The following DISC1 variants were observed in gnomAD, a reference collection of about 807,000 sequenced individuals.
The protein encoded by DISC1 is DISC1 scaffold protein.
DISC1 carries 57 observed loss-of-function variants against 84.5 expected under a neutral mutation model. The observed-to-expected ratio is 0.67, with a 90% CI of 0.55 to 0.84. DISC1 has a LOEUF of 0.84. Ranked by LOEUF, DISC1 falls within the 40% of genes least tolerant of loss-of-function variation. The pLI is 0.00. For missense variants in DISC1, 1,000 were observed against 1,057.8 expected (o/e 0.95, Z 0.76); for synonymous variants, 411 against 415.2 (o/e 0.99, Z 0.12).
intron 3 of DISC1, among the ~76,000 whole-genome samples, chr1:231,731,549 T>C (rs986821084): frequency 1.3e-5 from 2 of 152,170 alleles, no homozygotes; most frequent in African/African-American, 4.8e-5. Flanking sequence ...CAGTCCTCAA[T>C]TAGGCCTGGT....
intron 3 of DISC1, among the ~76,000 whole-genome samples, chr1:231,709,583 G>A (rs1419719184): frequency 6.6e-6 from 1 of 152,036 alleles, no homozygotes; most frequent in African/African-American, 2.4e-5. Flanking sequence ...TAAGGATCAC[G>A]TGGAATGTTG....
intron 1 of DISC1, among the ~76,000 whole-genome samples, chr1:231,680,485 T>A (rs2063583677): frequency 6.6e-6 from 1 of 152,212 alleles, no homozygotes; most frequent in Admixed American, 6.5e-5. Context: ...ATAGGAGTCG[T>A]GTTATGCTGT....
intron 9 of DISC1, among the ~76,000 whole-genome samples, chr1:231,930,597 C>A (rs1452244804): frequency 6.6e-6 from 1 of 152,126 alleles, no homozygotes; most frequent in Non-Finnish European, 1.5e-5. Flanking sequence ...CAAACCTCTA[C>A]CCCATATGGC....
chr1:231,634,584 C>A (rs2059030592), intron 1 of DISC1, among the ~76,000 whole-genome samples: 1 of 152,176 alleles, frequency 6.6e-6, no homozygotes, highest in Admixed American at 6.5e-5. Context: ...ATTTGGGGGC[C>A]TTAAATTGCC....
intron 8 of DISC1, among the ~76,000 whole-genome samples, chr1:231,801,845 G>C (rs937405970): frequency 6.7e-6 from 1 of 149,252 alleles, no homozygotes; most frequent in Non-Finnish European, 1.5e-5. Context: ...TTGAGTCAGA[G>C]TCTCGTTCAG....
At chr1:231,923,786 A>T (rs1412184333) in intron 9 of DISC1, among the ~76,000 whole-genome samples, 2 of 152,142 alleles carry the variant, frequency 1.3e-5, no homozygotes, top group Admixed American at 6.5e-5. Context: ...GGCTTTCAAG[A>T]TCCTCCTGTG....
chr1:231,904,896 C>T (rs1415587079), intron 9 of DISC1, among the ~76,000 whole-genome samples: 1 of 151,984 alleles, frequency 6.6e-6, no homozygotes, highest in Non-Finnish European at 1.5e-5. Context: ...ATAAATCGAG[C>T]ATAAAAATAA....
chr1:231,745,064 A>AG (rs2073815987), intron 3 of DISC1, among the ~76,000 whole-genome samples: 1 of 151,898 alleles, frequency 6.6e-6, no homozygotes, highest in Non-Finnish European at 1.5e-5. Context: ...AAATAAAAAA[A>AG]TTTAATATCT....
chr1:232,014,907 C>T (rs1668342069), intron 11 of DISC1, among the ~76,000 whole-genome samples: 1 of 152,186 alleles, frequency 6.6e-6, no homozygotes, highest in Admixed American at 6.5e-5. Context: ...TATTTCATCG[C>T]TCTACATAGT....
At chr1:232,008,487 A>T (rs1371205511) in intron 10 of DISC1, among the ~76,000 whole-genome samples, 1 of 137,280 alleles carries the variant, frequency 7.3e-6, no homozygotes, top group Non-Finnish European at 1.5e-5. Flanking sequence ...AGGGCTGGTA[A>T]CACATATATG....
intron 2 of DISC1, among the ~76,000 whole-genome samples, chr1:231,699,059 A>G (rs2066070791): frequency 6.6e-6 from 1 of 152,124 alleles, no homozygotes; most frequent in Non-Finnish European, 1.5e-5. Flanking sequence ...TTCCACAGAG[A>G]TTTTTGGGGG....
intron 9 of DISC1, among the ~76,000 whole-genome samples, chr1:231,938,225 C>T (rs1248092961): frequency 6.6e-6 from 1 of 152,074 alleles, no homozygotes; most frequent in East Asian, 1.9e-4. Flanking sequence ...TTATGGATCC[C>T]AAGGTGGGGA....
At chr1:231,798,151 A>G (rs1371990212) in intron 7 of DISC1, among the ~76,000 whole-genome samples, 2 of 149,940 alleles carry the variant, frequency 1.3e-5, no homozygotes, top group Non-Finnish European at 3.0e-5. Context: ...ACACACCCCT[A>G]CCTGATATTC....
chr1:231,667,796 A>G (rs1424348470), intron 1 of DISC1, among the ~76,000 whole-genome samples: 1 of 152,248 alleles, frequency 6.6e-6, no homozygotes, highest in Non-Finnish European at 1.5e-5. Context: ...ACATTAAAAA[A>G]TAAATATTAT....
chr1:231,640,108 G>A (rs559068827), intron 1 of DISC1, among the ~76,000 whole-genome samples: 13 of 152,156 alleles, frequency 8.5e-5, no homozygotes, highest in Non-Finnish European at 1.3e-4. Flanking sequence ...GAAGGCTTGA[G>A]GTTCTCAGAG....
intron 10 of DISC1, among the ~76,000 whole-genome samples, chr1:231,997,183 G>T (rs1046227265): frequency 6.6e-6 from 1 of 152,148 alleles, no homozygotes; most frequent in Non-Finnish European, 1.5e-5. Flanking sequence ...AGAGAAGTTT[G>T]GGGACTACCC....
chr1:231,844,170 A>T (rs1163030733), intron 9 of DISC1, among the ~76,000 whole-genome samples: 1 of 152,138 alleles, frequency 6.6e-6, no homozygotes, highest in Non-Finnish European at 1.5e-5. Context: ...AACTCTTTGG[A>T]TATCAACTGG....
chr1:231,630,342 T>G lies in DISC1; in HGVS notation c.67+3408T>G, dbSNP rs1352519475. ...GAATCATTCTTTTTTTTTCTTTTTTTAATTAAAAAAGATGGGGTCTCCTTA... is the reference window on the plus strand; with the variant it reads ...GAATCATTCTTTTTTTTTCTTTTTTGAATTAAAAAAGATGGGGTCTCCTTA... On this transcript the variant is annotated intron_variant, in intron 1 of 12. Coordinates refer to ENST00000439617, the MANE Select transcript of DISC1 (RefSeq NM_018662.3). The surrounding 1 kb of genome is among the most constrained non-coding windows in gnomAD (Gnocchi z 4.4). Among the ~76,000 whole-genome samples the G allele has an allele frequency of 3.9e-5, 6 of 152,162 alleles. No homozygotes were observed. The highest frequency in any genetic ancestry group is 8.8e-5 in the Non-Finnish European group (6 of 68,028).
intron 9 of DISC1, among the ~76,000 whole-genome samples, chr1:231,913,617 C>T (rs952391002): frequency 2.0e-5 from 3 of 152,180 alleles, no homozygotes; most frequent in African/African-American, 7.2e-5. Flanking sequence ...GGGGACCTCT[C>T]GTGCCTTGCC....
Sources: allele counts gnomAD v4.1 joint callset (sites outside exome capture counted in the v4.1 genomes callset), GRCh38; gene constraint gnomAD v4.1.1; non-coding constraint Gnocchi (gnomAD v3.1); transcripts MANE v1.5; gene names NCBI Gene and HGNC (gene_info 2026-07-23, HGNC 2026-07-21).